The following EML4 variants were observed in gnomAD, a reference collection of about 807,000 sequenced individuals.
The protein encoded by EML4 is echinoderm microtubule-associated protein-like 4.
EML4 carries 72 observed loss-of-function variants against 129.0 expected under a neutral mutation model. That is an observed-to-expected ratio of 0.56 (90% confidence interval 0.46 to 0.68). The LOEUF (loss-of-function observed/expected upper bound fraction) is 0.68. EML4 is among the 30% of genes least tolerant of loss of function. The pLI, the probability that EML4 is intolerant of heterozygous loss-of-function variation, is 0.00. For synonymous variants in EML4, 532 were observed against 405.0 expected, an observed-to-expected ratio of 1.31 and a Z score of -3.77; for missense variants, 1,363 against 1,190.6, an observed-to-expected ratio of 1.14 and a Z score of -2.13.
chr2:42,302,284 G>C (rs1668325896), intron 14 of EML4, among the ~76,000 whole-genome samples: 1 of 152,054 alleles, frequency 6.6e-6, no homozygotes, highest in Non-Finnish European at 1.5e-5. Context: ...ATGCTGTATA[G>C]TAATCCAGTC....
At chr2:42,241,016 C>T (rs912182285) in intron 1 of EML4, among the ~76,000 whole-genome samples, 3 of 152,014 alleles carry the variant, frequency 2.0e-5, no homozygotes, top group African/African-American at 4.8e-5. Context: ...TGGTGGCATG[C>T]GCCTCTGTAA....
intron 1 of EML4, among the ~76,000 whole-genome samples, chr2:42,228,240 A>G (rs1035088211): frequency 1.3e-5 from 2 of 151,860 alleles, no homozygotes; most frequent in African/African-American, 2.4e-5. Context: ...AAAAGTATAC[A>G]TGGATTTATA....
At chr2:42,220,933 C>T (rs1271773927) in intron 1 of EML4, among the ~76,000 whole-genome samples, 1 of 152,192 alleles carries the variant, frequency 6.6e-6, no homozygotes. Flanking sequence ...TAACTCTCTT[C>T]ATTTCTATGA....
At chr2:42,201,836 C>T (rs1161979037) in intron 1 of EML4, among the ~76,000 whole-genome samples, 2 of 152,178 alleles carry the variant, frequency 1.3e-5, no homozygotes, top group Non-Finnish European at 2.9e-5. Context: ...AATCCCAGCA[C>T]TTTAGGAGGC....
intron 19 of EML4, among the ~76,000 whole-genome samples, chr2:42,321,446 G>A (rs920717936): frequency 1.3e-5 from 2 of 152,018 alleles, no homozygotes; most frequent in African/African-American, 2.4e-5. Context: ...TCATTTAAAA[G>A]AGGCCATCAA....
At chr2:42,252,623 A>G (rs764323345) in intron 2 of EML4, among the ~76,000 whole-genome samples, 1 of 152,204 alleles carries the variant, frequency 6.6e-6, no homozygotes, top group Non-Finnish European at 1.5e-5. Context: ...TGCTGGCCAC[A>G]TCAAGGAGCT....
chr2:42,190,867 A>G (rs572351108), intron 1 of EML4, among the ~76,000 whole-genome samples: 1 of 152,352 alleles, frequency 6.6e-6, no homozygotes, highest in East Asian at 1.9e-4. Context: ...TAACTTTCAC[A>G]TATTGCAAAA....
At chr2:42,310,552 G>T (rs1341501355) in intron 17 of EML4, among the ~76,000 whole-genome samples, 1 of 152,152 alleles carries the variant, frequency 6.6e-6, no homozygotes, top group Non-Finnish European at 1.5e-5. Context: ...CACCATGTTG[G>T]TCAAGCTGGT....
intron 1 of EML4, among the ~76,000 whole-genome samples, chr2:42,184,317 T>C (rs957045606): frequency 6.6e-6 from 1 of 152,032 alleles, no homozygotes; most frequent in African/African-American, 2.4e-5. Context: ...ATGTGCCATG[T>C]TGGTGTGCTG....
intron 1 of EML4, among the ~76,000 whole-genome samples, chr2:42,178,639 C>T (rs1053380247): frequency 6.6e-6 from 1 of 152,140 alleles, no homozygotes; most frequent in Non-Finnish European, 1.5e-5. Flanking sequence ...GAGCCAAAAA[C>T]AACAACTGCA....
intron 1 of EML4, among the ~76,000 whole-genome samples, chr2:42,212,355 C>T (rs1202191249): frequency 6.6e-6 from 1 of 151,986 alleles, no homozygotes; most frequent in Non-Finnish European, 1.5e-5. Context: ...TTTAATATCA[C>T]CTTTAATGAA....
intron 1 of EML4, among the ~76,000 whole-genome samples, chr2:42,202,949 G>T (rs902073962): frequency 9.9e-5 from 15 of 152,106 alleles, no homozygotes; most frequent in Non-Finnish European, 1.5e-4. Flanking sequence ...GATTCCTTGA[G>T]CCCAGAAGTT....
At chr2:42,276,403 GTCA>G (rs1343687296) in intron 6 of EML4, among the ~76,000 whole-genome samples, 6 of 152,134 alleles carry the variant, frequency 3.9e-5, no homozygotes, top group Non-Finnish European at 8.8e-5. Flanking sequence ...CCCACCCTCA[GTCA>G]TCATGTACTC....
intron 3 of EML4, 45 bp from the exon 4 acceptor site, chr2:42,261,076 A>G (rs200110352): frequency 1.0e-5 from 14 of 1,397,842 alleles, no homozygotes; most frequent in Non-Finnish European, 1.3e-5. Flanking sequence ...ATTTTTTTTC[A>G]TTTGTTTAAA....
At chr2:42,193,680 T>C (rs77859821) in intron 1 of EML4, among the ~76,000 whole-genome samples, 2 of 146,758 alleles carry the variant, frequency 1.4e-5, no homozygotes, top group Admixed American at 6.8e-5. Context: ...ATAGGCGTTC[T>C]TTTTTTTTTT....
chr2:42,296,273 TAGC>T (rs1026660018), intron 13 of EML4, among the ~76,000 whole-genome samples: 4 of 152,210 alleles, frequency 2.6e-5, no homozygotes, highest in African/African-American at 9.6e-5. Context: ...GAGAGATTCT[TAGC>T]AGCAACAGGT....
intron 1 of EML4, among the ~76,000 whole-genome samples, chr2:42,184,438 C>T (rs1187232520): frequency 7.1e-6 from 1 of 140,826 alleles, no homozygotes; most frequent in East Asian, 2.1e-4. Context: ...CATTGTCACT[C>T]CCTGGTTTAA....
chr2:42,233,549 C>T (rs1674483360), intron 1 of EML4, among the ~76,000 whole-genome samples: 1 of 151,918 alleles, frequency 6.6e-6, no homozygotes, highest in East Asian at 1.9e-4. Context: ...CCTCATGATC[C>T]GCCTGCCTCA....
intron 21 of EML4, among the ~76,000 whole-genome samples, chr2:42,328,685 T>C (rs1380900812): frequency 6.6e-6 from 1 of 152,258 alleles, no homozygotes; most frequent in Admixed American, 6.5e-5. Flanking sequence ...TTTGGTTTTT[T>C]ATTAGTTAGA....
Sources: gnomAD v4.1 joint callset for allele counts (sites outside exome capture counted in the v4.1 genomes callset) on GRCh38, gnomAD v4.1.1 for gene constraint, MANE v1.5 for transcripts, NCBI Gene and HGNC (gene_info 2026-07-23, HGNC 2026-07-21) for gene names.